The following FOSB variants were observed in gnomAD, a reference collection of about 807,000 sequenced individuals.
FOSB encodes the protein FosB proto-oncogene, AP-1 transcription factor subunit, also known as protein FosB.
FOSB carries 8 observed loss-of-function variants against 31.1 expected under a neutral mutation model. That is an observed-to-expected ratio of 0.26 (90% CI 0.15 to 0.46). FOSB has a LOEUF of 0.46. Among genes scored for constraint, FOSB ranks in the 20% least tolerant of loss-of-function variants. The pLI, the probability that FOSB is intolerant of heterozygous loss-of-function variation, is 0.99. For missense variants in FOSB, 376 were observed against 460.6 expected (o/e 0.82, Z 1.68); for synonymous variants, 214 against 206.1 (o/e 1.04, Z -0.33).
At position 45,472,108 on chromosome 19, in the gene FOSB, C is replaced by A. The variant is rs75189353; in HGVS notation, c.556-443C>A. The A allele has an allele frequency of 6.5e-6, 1 of 154,328 alleles. No individual in the cohort carries two copies. Among genetic ancestry groups the A allele is most frequent in the Non-Finnish European group, 1.4e-5 (1 of 69,634 alleles). 9.6% of individuals were successfully genotyped at this position (154,328 alleles called of 1,614,324 possible). On this transcript the variant is annotated intron_variant, in intron 3 of 3. Coordinates refer to ENST00000353609, the MANE Select transcript of FOSB (RefSeq NM_006732.3). This position sits in a 1 kb window ranked among gnomAD's most constrained non-coding sequence, Gnocchi z 5.4. The stretch of plus-strand genomic sequence containing the variant: ...TAGTTGGGCATGGTGGTGCACACCA[C>A]TGTGGTCCCAGCTACTATGGAGGCT...
In FOSB at chr19:45,471,317, G is replaced by A; in HGVS notation, c.555+16G>A. On this transcript the variant is annotated intron_variant, in intron 3 of 3. Coordinates refer to ENST00000353609, the MANE Select transcript of FOSB (RefSeq NM_006732.3). ...ACTCCAGGCGGTGAGGACAGGCCCT[G>A]GGGTGGGAGAGGGGATGTTGAGGGG... is the stretch of plus-strand genomic sequence containing the variant. 6.5e-7 allele frequency: 1 copy of A among 1,535,276 alleles called. No homozygotes were observed. Among genetic ancestry groups the A allele is most frequent in the Non-Finnish European group, 8.8e-7 (1 of 1,131,488 alleles).
At position 45,470,908 on chromosome 19, in the gene FOSB, C is replaced by T. The variant is rs764116136; in HGVS notation, c.406C>T (p.Arg136Cys). ...AACTACCAGTGGGCCTGGGCCTGCC[C>T]GCCCAGCCCGAGCCCGGCCTAGGAG... Reference protein sequence around the residue: ...SGTTSGPGPARPARARPRRPR... With the variant: ...SGTTSGPGPACPARARPRRPR... The change falls in exon 2 of 4, where the codon CGC becomes TGC. Residue 136 changes from arginine (R) to cysteine (C), a missense_variant. Physicochemically the swap from Arg to Cys is radical, Grantham distance 180. Transcript: ENST00000353609. 2 of 1,613,474 alleles carry T rather than the reference C, an allele frequency of 1.2e-6. No individual in the cohort carries two copies. Among genetic ancestry groups the T allele is most frequent in the South Asian group, 2.2e-5 (2 of 91,076 alleles).
chr19:45,471,344 GCTCT>G, intron 3 of FOSB, 43 bp downstream of exon 3: 4 of 1,355,842 alleles, frequency 3.0e-6, no homozygotes, highest in Non-Finnish European at 4.1e-6. Context: ...GTTGAGGGGA[GCTCT>G]CTCCCCATTC....
chr19:45,472,806 G>T lies in FOSB; in HGVS notation c.811G>T (p.Asp271Tyr). ...PPPLPFQTSQ[D>Y]APPNLTASLF... ...GCCCCTGCCCTTCCAGACCAGCCAAGACGCACCCCCCAACCTGACGGCTTC... is the reference window on the plus strand; with the variant it reads ...GCCCCTGCCCTTCCAGACCAGCCAATACGCACCCCCCAACCTGACGGCTTC... The change falls in exon 4 of 4, where the codon GAC becomes TAC. Residue 271 changes from aspartate (D) to tyrosine (Y), a missense_variant. Physicochemically the swap from Asp to Tyr is radical, Grantham distance 160. Around this residue, in one of 3 missense-constraint regions of FOSB, gnomAD observed 148 missense variants for 170.0 expected, o/e 0.87. Transcript: ENST00000353609. The surrounding 1 kb of genome is among the most constrained non-coding windows in gnomAD (Gnocchi z 5.4). The T allele has an allele frequency of 4.3e-6, 7 of 1,614,196 alleles. No individual in the cohort carries two copies. Among genetic ancestry groups the T allele is most frequent in the Non-Finnish European group, 5.9e-6 (7 of 1,180,038 alleles).
At chr19:45,471,158 TCC>T (rs2122152728) in intron 2 of FOSB, 34 bp from the exon 3 acceptor site, 1 of 1,520,442 alleles carries the variant, frequency 6.6e-7, no homozygotes, top group South Asian at 1.2e-5. Context: ...GAGTGCTGTA[TCC>T]CCAAATCTCA....
Position 45,468,445 on chromosome 19 carries a change from A to C in FOSB, c.-142A>C. ...GCTCCTTCCCCGAGCTTCCCCGGAC[A>C]GCGTACTTTGAGGACTCGCTCAGCT... On this transcript the variant is annotated 5_prime_UTR_variant, in exon 1 of 4. Coordinates refer to ENST00000353609, the MANE Select transcript of FOSB (RefSeq NM_006732.3). This position sits in a 1 kb window ranked among gnomAD's most constrained non-coding sequence, Gnocchi z 4.8. 1 of 845,406 alleles carries C rather than the reference A, an allele frequency of 1.2e-6. No homozygotes were observed. The highest frequency in any genetic ancestry group is 1.9e-6 in the Non-Finnish European group (1 of 536,606). 52.4% of individuals were successfully genotyped at this position (845,406 alleles called of 1,614,324 possible). A position where few individuals can be genotyped will look rare whatever the true frequency, so the allele number is the denominator to read the frequency against.
chr19:45,472,721 G>A lies in FOSB; in HGVS notation c.726G>A (p.Pro242=), dbSNP rs370863132. 206 of 1,610,750 alleles carry A rather than the reference G, an allele frequency of 1.3e-4. No individual in the cohort carries two copies. The highest frequency in any genetic ancestry group is 1.5e-4 in the Non-Finnish European group (177 of 1,178,364). ...CGCTGGCGGAGGTGAGAGATTTGCC[G>A]GGCTCAGCACCGGCTAAGGAAGATG... ...PGPLAEVRDL[P]GSAPAKEDGF... Residue 242 remains proline (P), a synonymous_variant, in exon 4 of 4, where the codon CCG becomes CCA. Transcript: ENST00000353609. The surrounding 1 kb of genome is among the most constrained non-coding windows in gnomAD (Gnocchi z 5.4).
At position 45,472,980 on chromosome 19, in the gene FOSB, C is replaced by A; in HGVS notation, c.985C>A (p.Pro329Thr). 4 of 1,611,618 alleles carry A rather than the reference C, an allele frequency of 2.5e-6. No homozygotes were observed. The highest frequency in any genetic ancestry group is 3.4e-6 in the Non-Finnish European group (4 of 1,179,998). The change falls in exon 4 of 4, where the codon CCC becomes ACC. Residue 329 changes from proline to threonine, a missense_variant. Around this residue, in one of 3 missense-constraint regions of FOSB, gnomAD observed 148 missense variants for 170.0 expected, o/e 0.87. Coordinates refer to ENST00000353609, the MANE Select transcript of FOSB (RefSeq NM_006732.3). The surrounding 1 kb of genome is among the most constrained non-coding windows in gnomAD (Gnocchi z 5.4). ...RTSGSDQPSD[P>T]LNSPSLLAL Reference sequence around the variant, plus strand: ...CAGCGGCAGTGACCAGCCTTCCGATCCCCTGAACTCGCCCTCCCTCCTCGC... The same window carrying A: ...CAGCGGCAGTGACCAGCCTTCCGATACCCTGAACTCGCCCTCCCTCCTCGC...
chr19:45,469,763 G>C (rs534985558), intron 1 of FOSB: 1 of 152,424 alleles, frequency 6.6e-6, no homozygotes, highest in African/African-American at 2.4e-5. Context: ...GACAGGACTA[G>C]AACCGCGAAC....
chr19:45,470,307 T>A, intron 1 of FOSB: 2 of 349,134 alleles, frequency 5.7e-6, no homozygotes, highest in Non-Finnish European at 5.3e-6. Context: ...GTCACCCGGC[T>A]GTGTCCAGCC....
chr19:45,472,499 G>A lies in FOSB; in HGVS notation c.556-52G>A. ...ACCCGAGTTTCCCGGTCACTGACAT[G>A]CTTTTTTCTCCTTCCTCTCTCTCTT... is the stretch of plus-strand genomic sequence containing the variant. On this transcript the variant is annotated intron_variant, in intron 3 of 3. Transcript: ENST00000353609. This position sits in a 1 kb window ranked among gnomAD's most constrained non-coding sequence, Gnocchi z 5.4. 2.1e-6 allele frequency: 3 copies of A among 1,409,716 alleles called. No individual in the cohort carries two copies. Among genetic ancestry groups the A allele is most frequent in the South Asian group, 3.1e-5 (2 of 64,486 alleles). 87.3% of individuals were successfully genotyped at this position (1,409,716 alleles called of 1,614,324 possible).
In FOSB at chr19:45,468,249, A is replaced by C; in HGVS notation, c.-338A>C. 4.9e-6 allele frequency: 1 copy of C among 204,064 alleles called. No individual in the cohort carries two copies. The highest frequency in any genetic ancestry group is 9.8e-6 in the Non-Finnish European group (1 of 102,236). The allele number at this position is 204,064 out of a possible 1,614,324, so 12.6% of individuals were successfully genotyped here. A position where few individuals can be genotyped will look rare whatever the true frequency, so the allele number is the denominator to read the frequency against. Reference sequence around the variant, plus strand: ...GACGCGTGGAGGAGACCGTAGCTGAAGCTGATTCTGTACAGCGGGACAGCG... The same window carrying C: ...GACGCGTGGAGGAGACCGTAGCTGACGCTGATTCTGTACAGCGGGACAGCG... On this transcript the variant is annotated 5_prime_UTR_variant, in exon 1 of 4. Coordinates refer to ENST00000353609, the MANE Select transcript of FOSB (RefSeq NM_006732.3). This position sits in a 1 kb window ranked among gnomAD's most constrained non-coding sequence, Gnocchi z 4.8.
Position 45,473,948 on chromosome 19 carries a change from C to G in FOSB, c.*936C>G, listed in dbSNP as rs1967770152. The G allele has an allele frequency of 6.5e-6, 1 of 152,870 alleles. No individual in the cohort carries two copies. Among genetic ancestry groups the G allele is most frequent in the Non-Finnish European group, 1.5e-5 (1 of 68,312 alleles). The allele number at this position is 152,870 out of a possible 1,614,324, so 9.5% of individuals were successfully genotyped here. A position where few individuals can be genotyped will look rare whatever the true frequency, so the allele number is the denominator to read the frequency against. The stretch of plus-strand genomic sequence containing the variant: ...GGTGCAGCTGGGTGGGGCAGCACAC[C>G]TCTGGGGGGATAATGTCCCCACTCC... On this transcript the variant is annotated 3_prime_UTR_variant, in exon 4 of 4. Coordinates refer to ENST00000353609, the MANE Select transcript of FOSB (RefSeq NM_006732.3).
rs1967611341 is a variant in FOSB, at chr19:45,470,551, G to T, written c.127-78G>T. 3 of 1,407,216 alleles carry T rather than the reference G, an allele frequency of 2.1e-6. No individual in the cohort carries two copies. In the Admixed American group the frequency reaches 5.9e-5, roughly 28 times the overall value. 87.2% of individuals were successfully genotyped at this position (1,407,216 alleles called of 1,614,324 possible). A position where few individuals can be genotyped will look rare whatever the true frequency, so the allele number is the denominator to read the frequency against. The stretch of plus-strand genomic sequence containing the variant: ...GTGCTCACTCACGGGGTCGGTGTGT[G>T]TTATGTGTGTTGGGTGTGTGTGTGT... On this transcript the variant is annotated intron_variant, in intron 1 of 3. Coordinates refer to ENST00000353609, the MANE Select transcript of FOSB (RefSeq NM_006732.3).
chr19:45,473,146 C>T lies in FOSB; in HGVS notation c.*134C>T, dbSNP rs775488368. 69 of 765,388 alleles carry T rather than the reference C, an allele frequency of 9.0e-5. No homozygotes were observed. The highest frequency in any genetic ancestry group is 1.2e-4 in the Non-Finnish European group (58 of 474,068). The allele number at this position is 765,388 out of a possible 1,614,324, so 47.4% of individuals were successfully genotyped here. Reference sequence around the variant, plus strand: ...GCCTCCCTGGCTCCTCCGTCTGACCCTCTGCGGCCACTGCGCCACTGCCAT... The same window carrying T: ...GCCTCCCTGGCTCCTCCGTCTGACCTTCTGCGGCCACTGCGCCACTGCCAT... On this transcript the variant is annotated 3_prime_UTR_variant, in exon 4 of 4. Coordinates refer to ENST00000353609, the MANE Select transcript of FOSB (RefSeq NM_006732.3).
chr19:45,471,414 C>T (rs2122154489), intron 3 of FOSB, 113 bp downstream of exon 3: 1 of 762,996 alleles, frequency 1.3e-6, no homozygotes, highest in East Asian at 2.7e-5. Flanking sequence ...ACGTTCCACA[C>T]ATGGAACTAG....
Position 45,468,733 on chromosome 19 carries a change from G to A in FOSB, c.126+21G>A, listed in dbSNP as rs769683485. 4.4e-5 allele frequency: 69 copies of A among 1,584,458 alleles called. No homozygotes were observed. The highest frequency in any genetic ancestry group is 5.9e-5 in the Non-Finnish European group (69 of 1,170,172). ...CCCAGGTAAGTTTTTGATAGTAGGGGTGCTGCTTTGTAGGTTTTATTTTTT... is the reference window on the plus strand; with the variant it reads ...CCCAGGTAAGTTTTTGATAGTAGGGATGCTGCTTTGTAGGTTTTATTTTTT... On this transcript the variant is annotated intron_variant, in intron 1 of 3. Transcript: ENST00000353609. This position sits in a 1 kb window ranked among gnomAD's most constrained non-coding sequence, Gnocchi z 4.8.
At position 45,472,531 on chromosome 19, in the gene FOSB, C is replaced by T; in HGVS notation, c.556-20C>T. ...TCTCCTTCCTCTCTCTCTTCTGTGA[C>T]CTGGCCTCCCTGGCCTCAGGAGACA... On this transcript the variant is annotated intron_variant, in intron 3 of 3. Coordinates refer to ENST00000353609, the MANE Select transcript of FOSB (RefSeq NM_006732.3). This position sits in a 1 kb window ranked among gnomAD's most constrained non-coding sequence, Gnocchi z 5.4. The T allele has an allele frequency of 6.7e-7, 1 of 1,495,080 alleles. No individual in the cohort carries two copies. The highest frequency in any genetic ancestry group is 8.9e-7 in the Non-Finnish European group (1 of 1,121,250). The allele number at this position is 1,495,080 out of a possible 1,614,324, so 92.6% of individuals were successfully genotyped here. A position where few individuals can be genotyped will look rare whatever the true frequency, so the allele number is the denominator to read the frequency against.
At chr19:45,471,369 C>A in intron 3 of FOSB, 68 bp downstream of exon 3, 1 of 1,116,516 alleles carries the variant, frequency 9.0e-7, no homozygotes, top group Non-Finnish European at 1.3e-6. Flanking sequence ...TCTGCCCCCT[C>A]TCCACCTGTA....
Sources: gnomAD v4.1 joint callset for allele counts on GRCh38, gnomAD v4.1.1 for gene constraint, gnomAD v4.1.1 regional missense constraint, Gnocchi (gnomAD v3.1) non-coding constraint, MANE v1.5 for transcripts, NCBI Gene and HGNC (gene_info 2026-07-23, HGNC 2026-07-21) for gene names.